HGSNAT: variants seen among roughly 807,000 people sequenced by gnomAD.
HGSNAT encodes transmembrane protein 76.
A neutral mutation model predicts 85.2 loss-of-function variants in HGSNAT; 59 were observed. That is an observed-to-expected ratio of 0.69 (90% CI 0.56 to 0.86). The LOEUF (loss-of-function observed/expected upper bound fraction) is 0.86, where lower values mean the gene tolerates loss of function less well. HGSNAT is among the 40% of genes least tolerant of loss of function. HGSNAT has a pLI of 0.00. For missense variants in HGSNAT, 756 were observed against 777.1 expected, an observed-to-expected ratio of 0.97 and a Z score of 0.32; for synonymous variants, 321 against 304.5, an observed-to-expected ratio of 1.05 and a Z score of -0.56.
At chr8:43,166,342 A>G (rs1001624597) in intron 5 of HGSNAT, among the ~76,000 whole-genome samples, 4 of 152,220 alleles carry the variant, frequency 2.6e-5, no homozygotes, top group Non-Finnish European at 4.4e-5. Flanking sequence ...TTTAATAGCC[A>G]GGAAGGAGAA....
At chr8:43,164,894 GAAT>G (rs1803384445) in intron 5 of HGSNAT, among the ~76,000 whole-genome samples, 1 of 152,080 alleles carries the variant, frequency 6.6e-6, no homozygotes, top group Non-Finnish European at 1.5e-5. Flanking sequence ...GTATCTGAAT[GAAT>G]AGAGAGGCCC....
intron 1 of HGSNAT, among the ~76,000 whole-genome samples, chr8:43,146,729 G>A (rs1383758060): frequency 6.6e-6 from 1 of 151,724 alleles, no homozygotes; most frequent in African/African-American, 2.4e-5. Context: ...AGACCTGTGT[G>A]TGTGCACATG....
intron 5 of HGSNAT, among the ~76,000 whole-genome samples, chr8:43,167,084 A>G (rs1282804808): frequency 6.6e-6 from 1 of 152,224 alleles, no homozygotes; most frequent in African/African-American, 2.4e-5. Flanking sequence ...ATACTTGATC[A>G]GACAAGGAGT....
At chr8:43,171,278 C>G (rs1447965452) in intron 7 of HGSNAT, among the ~76,000 whole-genome samples, 1 of 152,118 alleles carries the variant, frequency 6.6e-6, no homozygotes, top group African/African-American at 2.4e-5. Context: ...TAGTGACAAC[C>G]CTATAACTTT....
intron 13 of HGSNAT, among the ~76,000 whole-genome samples, chr8:43,192,749 C>T (rs1804581452): frequency 6.6e-6 from 1 of 150,756 alleles, no homozygotes; most frequent in Admixed American, 6.6e-5. Context: ...AGTGAGACCC[C>T]GTCTCTGTAA....
intron 14 of HGSNAT, chr8:43,196,184 G>A (rs73675466): frequency 0.018 from 5,494 of 306,980 alleles, 290 homozygotes; most frequent in African/African-American, 0.11. Flanking sequence ...TACTTCAGAA[G>A]GGTGTTGCAA....
At chr8:43,198,685 G>A (rs764428571) in intron 17 of HGSNAT, among the ~76,000 whole-genome samples, 7 of 152,142 alleles carry the variant, frequency 4.6e-5, no homozygotes, top group Non-Finnish European at 8.8e-5. Context: ...GATATCAAGG[G>A]ATAAATGGAA....
chr8:43,189,201 C>T (rs1804434732), intron 11 of HGSNAT, among the ~76,000 whole-genome samples: 1 of 152,178 alleles, frequency 6.6e-6, no homozygotes, highest in South Asian at 2.1e-4. Flanking sequence ...GTTTCTGCTG[C>T]CTTTTATTCA....
chr8:43,143,284 A>G (rs566989297), intron 1 of HGSNAT, among the ~76,000 whole-genome samples: 1 of 152,346 alleles, frequency 6.6e-6, no homozygotes, highest in African/African-American at 2.4e-5. Flanking sequence ...CAAATTCAAA[A>G]CTAAAATAAT....
intron 10 of HGSNAT, chr8:43,181,888 A>T (rs534218358): frequency 2.6e-5 from 13 of 497,842 alleles, no homozygotes; most frequent in African/African-American, 1.9e-4. Context: ...CCAGTCTCTC[A>T]TCTGGCCAGC....
Position 43,170,409 on chromosome 8 carries a change from G to A in HGSNAT, c.634-176G>A, listed in dbSNP as rs140247241. 4.4e-3 allele frequency among the ~76,000 whole-genome samples: 664 copies of A among 152,294 alleles called. 8 individuals carry two copies. Among genetic ancestry groups the A allele is most frequent in the African/African-American group, 0.015 (635 of 41,556 alleles). ...GCAGGAGAATCGCTTGACCCCAGGA[G>A]GTGGAGGTTGCAGTGAGCCAAGGTC... is the stretch of plus-strand genomic sequence containing the variant. On this transcript the variant is annotated intron_variant, in intron 6 of 17. Transcript: ENST00000379644.
intron 1 of HGSNAT, among the ~76,000 whole-genome samples, chr8:43,143,256 G>T (rs565181371): frequency 6.6e-6 from 1 of 152,332 alleles, no homozygotes; most frequent in African/African-American, 2.4e-5. Context: ...TGGAAAACAT[G>T]TTCAAACTTG....
At chr8:43,195,492 A>AGG (rs1563384585) in intron 14 of HGSNAT, among the ~76,000 whole-genome samples, 3 of 149,936 alleles carry the variant, frequency 2.0e-5, no homozygotes, top group African/African-American at 7.4e-5. Context: ...GGAGGAGGAG[A>AGG]AGGAAGAGGA....
chr8:43,195,500 GGAGGAGGAGGAGGAGGAA>G (rs1449811946), intron 14 of HGSNAT, among the ~76,000 whole-genome samples: 1 of 145,122 alleles, frequency 6.9e-6, no homozygotes, highest in African/African-American at 2.7e-5. Context: ...AGAAGGAAGA[GGAGGAGGAGGAGGAGGAA>G]GAAGAGGAGG....
chr8:43,181,411 C>T (rs771400320), intron 10 of HGSNAT, among the ~76,000 whole-genome samples: 1 of 151,832 alleles, frequency 6.6e-6, no homozygotes, highest in South Asian at 2.1e-4. Flanking sequence ...GTATCAGAGT[C>T]GGGAGGGCAC....
rs549071265 is a variant in HGSNAT, at chr8:43,188,048, T to C, written c.1129-3426T>C. Among the ~76,000 whole-genome samples, 371 of 152,302 alleles carry C rather than the reference T, an allele frequency of 2.4e-3. 3 individuals are homozygous for C. The highest frequency in any genetic ancestry group is 8.5e-3 in the African/African-American group (352 of 41,574). Reference sequence around the variant, plus strand: ...GATGGACTTCCCTTTATGGGTAACCTGACCTTTCTCTCTGGCTGCCCTTAA... The same window carrying C: ...GATGGACTTCCCTTTATGGGTAACCCGACCTTTCTCTCTGGCTGCCCTTAA... On this transcript the variant is annotated intron_variant, in intron 11 of 17. Transcript: ENST00000379644.
At chr8:43,193,870 T>C in intron 14 of HGSNAT, 27 bp downstream of exon 14, 5 of 1,607,928 alleles carry the variant, frequency 3.1e-6, no homozygotes, top group Non-Finnish European at 4.3e-6. Context: ...TTAGGTTACT[T>C]TTTCTGACAA....
At chr8:43,150,761 G>A (rs1802888150) in intron 2 of HGSNAT, among the ~76,000 whole-genome samples, 1 of 152,078 alleles carries the variant, frequency 6.6e-6, no homozygotes, top group Non-Finnish European at 1.5e-5. Context: ...GTGAACCCGG[G>A]AGGCGGAGCT....
intron 10 of HGSNAT, among the ~76,000 whole-genome samples, chr8:43,178,570 T>G (rs1803894903): frequency 6.7e-6 from 1 of 150,330 alleles, no homozygotes; most frequent in Non-Finnish European, 1.5e-5. Context: ...CTTTGCCCCC[T>G]GCTAATGTGA....
Sources: gnomAD v4.1 joint callset for allele counts (sites outside exome capture counted in the v4.1 genomes callset) on GRCh38, gnomAD v4.1.1 for gene constraint, MANE v1.5 for transcripts, NCBI Gene and HGNC (gene_info 2026-07-23, HGNC 2026-07-21) for gene names.